The following FDXR variants were observed in gnomAD, a reference collection of about 807,000 sequenced individuals.
FDXR encodes the protein ferredoxin reductase, also known as NADPH:adrenodoxin oxidoreductase, mitochondrial.
FDXR carries 38 observed loss-of-function variants against 58.3 expected under a neutral mutation model. The ratio of observed to expected loss-of-function variants is 0.65; its 90% CI spans 0.50 to 0.85. The LOEUF (loss-of-function observed/expected upper bound fraction) is 0.85, where lower values mean the gene tolerates loss of function less well. Ranked by LOEUF, FDXR falls within the 40% of genes least tolerant of loss-of-function variation. The probability of loss-of-function intolerance (pLI) is 0.00; values close to 1 mark genes in which losing one functional copy is unlikely to be tolerated. For synonymous variants in FDXR, 275 were observed against 273.8 expected, an observed-to-expected ratio of 1.00 and a Z score of -0.04; for missense variants, 624 against 671.0, an observed-to-expected ratio of 0.93 and a Z score of 0.77.
At chr17:74,868,576 G>A (rs1474450898) in intron 2 of FDXR, 47 of 1,535,256 alleles carry the variant, frequency 3.1e-5, no homozygotes, top group East Asian at 1.2e-4. Context: ...TCTTTCCTGC[G>A]ACAGATCCTT....
At chr17:74,868,578 C>A in intron 2 of FDXR, 1 of 1,535,628 alleles carries the variant, frequency 6.5e-7, no homozygotes, top group Non-Finnish European at 8.7e-7. Flanking sequence ...TTTCCTGCGA[C>A]AGATCCTTCA....
At chr17:74,870,371 G>A (rs1262383967) in intron 2 of FDXR, among the ~76,000 whole-genome samples, 1 of 152,084 alleles carries the variant, frequency 6.6e-6, no homozygotes, top group African/African-American at 2.4e-5. Context: ...ACAAAAATTA[G>A]CTGCATGTGG....
At position 74,863,250 on chromosome 17, in the gene FDXR, A is replaced by G; in HGVS notation, c.1175-4T>C. ...ACCCAGCCGCTGCAGTAGAGGCCTG[A>G]GAGGGGGTAACAAAAGGGGAAGGGA... On this transcript the variant is annotated splice_polypyrimidine_tract_variant and splice_region_variant and intron_variant, in intron 10 of 11. Transcript: ENST00000293195. 1 of 1,609,788 alleles carries G rather than the reference A, an allele frequency of 6.2e-7. No homozygotes were observed. The highest frequency in any genetic ancestry group is 8.5e-7 in the Non-Finnish European group (1 of 1,178,120).
intron 1 of FDXR, 39 bp from the exon 2 acceptor site, chr17:74,872,172 ACTT>A (rs1335942504): frequency 1.3e-6 from 2 of 1,593,524 alleles, no homozygotes; most frequent in African/African-American, 1.3e-5. Context: ...GTCAAAATTA[ACTT>A]CTCTCCCCAG....
At chr17:74,872,286 G>A in intron 1 of FDXR, 153 bp from the exon 2 acceptor site, 7 of 1,536,568 alleles carry the variant, frequency 4.6e-6, no homozygotes, top group Non-Finnish European at 6.1e-6. Context: ...GGCATTTGCA[G>A]GGTCTCTTAC....
Position 74,862,908 on chromosome 17 carries a change from T to A in FDXR, c.1385A>T (p.Asp462Val), listed in dbSNP as rs1444940254. ...PVSFSDWEKL[D>V]AEEVARGQGT... ...CTGGCCCCGGGCCACCTCCTCGGCA[T>A]CCAGCTTCTCCCAGTCTGAGAAAGA... The change falls in exon 12 of 12, where the codon GAT becomes GTT. Residue 462 changes from aspartate to valine, a missense_variant. By Grantham distance (152) the Asp-to-Val change is radical. Transcript: ENST00000293195. 6.2e-7 allele frequency: 1 copy of A among 1,613,042 alleles called. No individual in the cohort carries two copies. Among genetic ancestry groups the A allele is most frequent in the Non-Finnish European group, 8.5e-7 (1 of 1,179,984 alleles).
intron 10 of FDXR, 81 bp from the exon 11 acceptor site, chr17:74,863,327 A>C: frequency 7.4e-7 from 1 of 1,352,354 alleles, no homozygotes; most frequent in Non-Finnish European, 1.0e-6. Flanking sequence ...ATCTACACCC[A>C]CGTGCACGCA....
At chr17:74,869,159 GGGGCATCCTGAA>G (rs1167381878) in intron 2 of FDXR, among the ~76,000 whole-genome samples, 5 of 152,120 alleles carry the variant, frequency 3.3e-5, no homozygotes, top group Non-Finnish European at 4.4e-5. Flanking sequence ...GCAGGCAGAG[GGGGCATCCTGAA>G]GGAAAACAGC....
At chr17:74,870,516 C>CAAAAAAA (rs1168237892) in intron 2 of FDXR, among the ~76,000 whole-genome samples, 4 of 54,994 alleles carry the variant, frequency 7.3e-5, no homozygotes, top group Non-Finnish European at 8.9e-5. Flanking sequence ...GACTCCATCT[C>CAAAAAAA]AAAAAAAAAA....
intron 1 of FDXR, chr17:74,872,379 G>T: frequency 1.0e-6 from 1 of 985,052 alleles, no homozygotes; most frequent in Non-Finnish European, 1.5e-6. Context: ...CCAATGGCCT[G>T]CCCAACAACA....
Position 74,862,745 on chromosome 17 carries a change from C to A in FDXR, c.*72G>T. The A allele has an allele frequency of 6.5e-7, 1 of 1,529,944 alleles. No homozygotes were observed. The allele number at this position is 1,529,944 out of a possible 1,614,324, so 94.8% of individuals were successfully genotyped here. On this transcript the variant is annotated 3_prime_UTR_variant, in exon 12 of 12. Transcript: ENST00000293195. ...GGATCAGCAGAGGTGCAAAGTCCCA[C>A]TCAGACGGACCCAGCCCTTCCCCTC...
At chr17:74,864,401 T>C (rs997488966) in intron 8 of FDXR, 54 bp from the exon 9 acceptor site, 3 of 1,603,454 alleles carry the variant, frequency 1.9e-6, no homozygotes, top group Non-Finnish European at 2.6e-6. Flanking sequence ...GCCCTCTCCC[T>C]GCATGCCCTT....
At chr17:74,870,055 G>T (rs2038319970) in intron 2 of FDXR, 2 of 424,782 alleles carry the variant, frequency 4.7e-6, no homozygotes, top group Non-Finnish European at 9.9e-6. Context: ...TCCCAAACGT[G>T]CTGCATGTGG....
At chr17:74,863,844 C>T (rs747036767) in intron 10 of FDXR, 52 bp downstream of exon 10, 33 of 1,568,890 alleles carry the variant, frequency 2.1e-5, no homozygotes, top group Non-Finnish European at 2.9e-5. Flanking sequence ...GAGATACCAG[C>T]TTCTCGGCCT....
At chr17:74,865,599 C>T (rs952845719) in intron 6 of FDXR, 120 bp downstream of exon 6, 85 of 655,716 alleles carry the variant, frequency 1.3e-4, no homozygotes, top group Non-Finnish European at 2.0e-4. Context: ...CTGGGCACCA[C>T]GGGGAAACAG....
chr17:74,872,067 G>A lies in FDXR; in HGVS notation c.146C>T (p.Ala49Val). The A allele has an allele frequency of 6.2e-7, 1 of 1,603,948 alleles. No individual in the cohort carries two copies. Among genetic ancestry groups the A allele is most frequent in the Non-Finnish European group, 8.5e-7 (1 of 1,174,878 alleles). Residue 49 changes from alanine (A) to valine (V), a missense_variant, in exon 2 of 12, where the codon GCT (alanine) becomes GTT (valine). Ala to Val is a moderately conservative substitution (Grantham distance 64, BLOSUM62 0). Coordinates refer to ENST00000293195, the MANE Select transcript of FDXR (RefSeq NM_024417.5). ...PQICVVGSGPAGFYTAQHLLK... is the reference protein window; with the variant it reads ...PQICVVGSGPVGFYTAQHLLK... ...CAGGTGTTGGGCCGTGTAGAAGCCA[G>A]CTGGGCCACTGCCCACCACACAGAT... is the stretch of plus-strand genomic sequence containing the variant.
intron 10 of FDXR, 88 bp downstream of exon 10, chr17:74,863,808 C>T (rs1016748763): frequency 5.2e-5 from 78 of 1,489,668 alleles, no homozygotes; most frequent in Non-Finnish European, 6.1e-5. Flanking sequence ...GTACATGTTG[C>T]TAGATGAATG....
Position 74,863,098 on chromosome 17 carries a change from G to T in FDXR, c.1323C>A (p.Ile441=). 1 of 1,613,124 alleles carries T rather than the reference G, an allele frequency of 6.2e-7. No homozygotes were observed. The highest frequency in any genetic ancestry group is 1.3e-5 in the African/African-American group (1 of 75,070). The part of the protein sequence containing the change: ...PSGPRPGYAA[I]QALLSSRGVR... ...GACCTCGGCTGCTGAGCAGGGCCTG[G>T]ATGGCTGCGTAGCCAGGCCTGGGGC... Residue 441 remains isoleucine, a synonymous_variant, in exon 11 of 12, where the codon ATC becomes ATA. Transcript: ENST00000293195.
chr17:74,867,003 C>A, intron 2 of FDXR, 127 bp from the exon 3 acceptor site: 1 of 1,493,730 alleles, frequency 6.7e-7, no homozygotes, highest in East Asian at 2.5e-5. Flanking sequence ...AGGCTTCCAC[C>A]CTCTGCAAGG....
Sources: gnomAD v4.1 joint callset for allele counts (sites outside exome capture counted in the v4.1 genomes callset) on GRCh38, gnomAD v4.1.1 for gene constraint, MANE v1.5 for transcripts, NCBI Gene and HGNC (gene_info 2026-07-23, HGNC 2026-07-21) for gene names.